Variants in BANK1 observed in about 807,000 individuals in gnomAD.
BANK1 encodes B cell scaffold protein with ankyrin repeats 1.
In BANK1, 95 loss-of-function variants were observed where a neutral mutation model predicts 94.5. The ratio of observed to expected loss-of-function variants is 1.00; its 90% confidence interval spans 0.85 to 1.19. The LOEUF (loss-of-function observed/expected upper bound fraction) is 1.19, where lower values mean the gene tolerates loss of function less well. Ranked by LOEUF, BANK1 falls within the 50% of genes most tolerant of loss-of-function variation. The pLI is 0.00. For synonymous variants in BANK1, 334 were observed against 308.4 expected, an observed-to-expected ratio of 1.08 and a Z score of -0.87; for missense variants, 987 against 932.2, an observed-to-expected ratio of 1.06 and a Z score of -0.77.
At chr4:101,828,869 T>C (rs1318674650) in intron 1 of BANK1, among the ~76,000 whole-genome samples, 3 of 151,924 alleles carry the variant, frequency 2.0e-5, no homozygotes, top group Admixed American at 6.6e-5. Context: ...TGTTTTCTCT[T>C]CTTTTTTTTT....
intron 1 of BANK1, among the ~76,000 whole-genome samples, chr4:101,813,470 G>T (rs1164221788): frequency 6.6e-6 from 1 of 152,178 alleles, no homozygotes; most frequent in Non-Finnish European, 1.5e-5. Context: ...CCACTATGGT[G>T]ATTCTCAAAC....
At chr4:102,051,937 C>G (rs893848197) in intron 11 of BANK1, among the ~76,000 whole-genome samples, 1 of 152,064 alleles carries the variant, frequency 6.6e-6, no homozygotes. Context: ...CCGCCTCTAT[C>G]GTGGCAGCTG....
intron 5 of BANK1, among the ~76,000 whole-genome samples, chr4:101,877,497 G>C (rs1039334577): frequency 6.6e-6 from 1 of 152,114 alleles, no homozygotes; most frequent in Admixed American, 6.5e-5. Flanking sequence ...AGTCTAATAA[G>C]ATATAAATAG....
At chr4:101,828,383 T>TTATATA (rs60877981) in intron 1 of BANK1, among the ~76,000 whole-genome samples, 193 of 142,176 alleles carry the variant, frequency 1.4e-3, no homozygotes, top group East Asian at 5.0e-3. Flanking sequence ...ATGAGTGAAT[T>TTATATA]TATATATATA....
At chr4:101,795,084 G>T (rs1725111190) in intron 1 of BANK1, among the ~76,000 whole-genome samples, 1 of 151,022 alleles carries the variant, frequency 6.6e-6, no homozygotes. Context: ...TCTGATACAT[G>T]CTGAGAATAA....
chr4:101,827,407 A>ATTTTAAATTAATG (rs1197866493), intron 1 of BANK1, among the ~76,000 whole-genome samples: 1 of 151,970 alleles, frequency 6.6e-6, no homozygotes, highest in African/African-American at 2.4e-5. Context: ...TGAAGTCATT[A>ATTTTAAATTAATG]TTTTAAATTA....
chr4:102,023,866 A>AT (rs1726994320), intron 8 of BANK1, among the ~76,000 whole-genome samples: 1 of 152,146 alleles, frequency 6.6e-6, no homozygotes, highest in Non-Finnish European at 1.5e-5. Context: ...CTGAGCAATA[A>AT]TTTTTTCCAT....
chr4:101,983,972 A>T (rs1310661238), intron 7 of BANK1, among the ~76,000 whole-genome samples: 5 of 152,108 alleles, frequency 3.3e-5, no homozygotes, highest in African/African-American at 1.2e-4. Flanking sequence ...AGAGCCAATC[A>T]TAATATGTTC....
chr4:102,014,260 C>T (rs779238785), intron 7 of BANK1, among the ~76,000 whole-genome samples: 1 of 152,108 alleles, frequency 6.6e-6, no homozygotes, highest in Non-Finnish European at 1.5e-5. Context: ...AAATGTACAT[C>T]TTCTCCCAAA....
chr4:101,965,674 C>G (rs923682147), intron 7 of BANK1, among the ~76,000 whole-genome samples: 4 of 151,952 alleles, frequency 2.6e-5, no homozygotes, highest in African/African-American at 9.7e-5. Flanking sequence ...CCTATTATAC[C>G]ATAGTATTGT....
At chr4:102,057,131 C>T (rs1728252004) in intron 11 of BANK1, among the ~76,000 whole-genome samples, 1 of 152,182 alleles carries the variant, frequency 6.6e-6, no homozygotes, top group African/African-American at 2.4e-5. Flanking sequence ...GACCAAGCAT[C>T]TCCTAATGGA....
intron 7 of BANK1, among the ~76,000 whole-genome samples, chr4:101,953,552 A>T (rs76296407): frequency 6.6e-6 from 1 of 152,078 alleles, no homozygotes; most frequent in African/African-American, 2.4e-5. Context: ...AAAAAAAAAA[A>T]AATCAAGTGT....
At chr4:101,805,182 CAT>C (rs1167315485) in intron 1 of BANK1, among the ~76,000 whole-genome samples, 5 of 152,138 alleles carry the variant, frequency 3.3e-5, no homozygotes, top group East Asian at 1.9e-4. Context: ...GTCAATGAAA[CAT>C]ATTTAAAGCA....
chr4:102,007,110 T>TAAAAAATATA (rs1170739147), intron 7 of BANK1, among the ~76,000 whole-genome samples: 2 of 55,744 alleles, frequency 3.6e-5, no homozygotes, highest in African/African-American at 1.2e-4. Context: ...TATATATATA[T>TAAAAAATATA]AAATATATAT....
intron 7 of BANK1, among the ~76,000 whole-genome samples, chr4:101,942,560 T>C (rs1723789896): frequency 6.6e-6 from 1 of 151,912 alleles, no homozygotes; most frequent in Admixed American, 6.6e-5. Flanking sequence ...TGAAATTGTG[T>C]TACATTTTAA....
intron 2 of BANK1, among the ~76,000 whole-genome samples, chr4:101,848,580 TAC>T (rs1727344600): frequency 6.6e-6 from 1 of 152,196 alleles, no homozygotes; most frequent in African/African-American, 2.4e-5. Flanking sequence ...GCTAAGATAA[TAC>T]AGTCATGCAC....
intron 10 of BANK1, among the ~76,000 whole-genome samples, chr4:102,039,356 C>A (rs1365205722): frequency 6.6e-6 from 1 of 152,112 alleles, no homozygotes; most frequent in African/African-American, 2.4e-5. Context: ...AAGAGGCTAC[C>A]TACATACATC....
Position 101,953,456 on chromosome 4 carries a change from A to G in BANK1, c.1206+35267A>G, listed in dbSNP as rs74813558. ...AGAGAACAGACTGTCTTGAAGAAAT[A>G]TGTAGAACAAATTATGCTAGTACTT... is the stretch of plus-strand genomic sequence containing the variant. On this transcript the variant is annotated intron_variant, in intron 7 of 16. Transcript: ENST00000322953. 5.6e-3 allele frequency among the ~76,000 whole-genome samples: 851 copies of G among 152,212 alleles called. 15 individuals are homozygous for G. The East Asian group carries it at 0.057, about 10-fold the overall frequency.
chr4:102,022,045 T>C (rs1726925463), intron 8 of BANK1, among the ~76,000 whole-genome samples: 1 of 152,088 alleles, frequency 6.6e-6, no homozygotes, highest in Non-Finnish European at 1.5e-5. Flanking sequence ...TGTTCCTACA[T>C]GTATATAAAC....
Sources: allele counts gnomAD v4.1 joint callset (sites outside exome capture counted in the v4.1 genomes callset), GRCh38; gene constraint gnomAD v4.1.1; transcripts MANE v1.5; gene names NCBI Gene and HGNC (gene_info 2026-07-23, HGNC 2026-07-21).